FLRT1: variants seen among roughly 807,000 people sequenced by gnomAD.
FLRT1 encodes the protein fibronectin leucine rich transmembrane protein 1.
FLRT1 carries 14 observed loss-of-function variants against 30.9 expected under a neutral mutation model. The observed-to-expected ratio is 0.45, with a 90% CI of 0.30 to 0.71. FLRT1 has a LOEUF of 0.71. Ranked by LOEUF, FLRT1 falls within the 30% of genes least tolerant of loss-of-function variation. The pLI is 0.08. For synonymous variants in FLRT1, 368 were observed against 430.4 expected, an observed-to-expected ratio of 0.85 and a Z score of 1.80; for missense variants, 737 against 949.2, an observed-to-expected ratio of 0.78 and a Z score of 2.94.
rs200990594 is a variant in FLRT1, at chr11:64,117,634, A to G, written c.1367A>G (p.Lys456Arg). The part of the protein sequence containing the change: ...LTADSIRITW[K>R]ATLPASSFRL... ...GCAGACTCCATCCGCATCACGTGGA[A>G]GGCCACGCTCCCCGCCTCCTCTTTC... Residue 456 changes from lysine (K) to arginine (R), a missense_variant, in exon 3 of 3, where the codon AAG becomes AGG. Coordinates refer to ENST00000682287, the MANE Select transcript of FLRT1 (RefSeq NM_013280.5). 6.2e-7 allele frequency: 1 copy of G among 1,613,754 alleles called. No individual in the cohort carries two copies. Among genetic ancestry groups the G allele is most frequent in the Admixed American group, 1.7e-5 (1 of 60,030 alleles).
chr11:64,075,913 A>G (rs1454654281), intron 1 of FLRT1, among the ~76,000 whole-genome samples: 3 of 152,138 alleles, frequency 2.0e-5, no homozygotes, highest in African/African-American at 4.8e-5. Flanking sequence ...ACCTCAAGTG[A>G]TCCACCCGCC....
chr11:64,105,184 G>A (rs1429836007), intron 2 of FLRT1, among the ~76,000 whole-genome samples: 5 of 152,368 alleles, frequency 3.3e-5, no homozygotes, highest in Admixed American at 1.3e-4. Flanking sequence ...CAGCCCGACA[G>A]CGGGGCCGCG....
intron 1 of FLRT1, among the ~76,000 whole-genome samples, chr11:64,091,464 T>C (rs1002304751): frequency 9.5e-5 from 7 of 73,542 alleles, no homozygotes; most frequent in Non-Finnish European, 1.9e-4. Flanking sequence ...GGGAGGTGGA[T>C]GTGGGGGACG....
chr11:64,112,138 T>C (rs1160464274), intron 2 of FLRT1, among the ~76,000 whole-genome samples: 1 of 152,232 alleles, frequency 6.6e-6, no homozygotes, highest in Non-Finnish European at 1.5e-5. Context: ...TTAGTGAGCA[T>C]CTGCCACGTG....
intron 1 of FLRT1, among the ~76,000 whole-genome samples, chr11:64,099,046 G>A (rs1944626528): frequency 6.6e-6 from 1 of 152,258 alleles, no homozygotes; most frequent in African/African-American, 2.4e-5. Flanking sequence ...TCGGGAGGAA[G>A]CCCTGAGTGC....
At position 64,116,522 on chromosome 11, in the gene FLRT1, C is replaced by G. The variant is rs760130318; in HGVS notation, c.255C>G (p.Thr85=). 9.9e-6 allele frequency: 16 copies of G among 1,614,036 alleles called. No individual in the cohort carries two copies. Among genetic ancestry groups the G allele is most frequent in the Non-Finnish European group, 1.4e-5 (16 of 1,179,984 alleles). ...IPADIPDDAT[T]LYLQNNQINN... Reference sequence around the variant, plus strand: ...CAGATATCCCTGATGATGCCACCACCCTCTACCTGCAGAACAACCAGATCA... The same window carrying G: ...CAGATATCCCTGATGATGCCACCACGCTCTACCTGCAGAACAACCAGATCA... The change falls in exon 3 of 3, where the codon ACC becomes ACG. Residue 85 remains threonine, a synonymous_variant. Coordinates refer to ENST00000682287, the MANE Select transcript of FLRT1 (RefSeq NM_013280.5).
In FLRT1 at chr11:64,103,518, C is replaced by CTCT. The variant is rs1944707197; in HGVS notation, c.-712_-710dup. On this transcript the variant is annotated 5_prime_UTR_variant, in exon 2 of 3. Transcript: ENST00000682287. ...TACAGAGCCTTTGGAGAGTGGCTCC[C>CTCT]TCTCAGCTCCGTCATGCAAGAACAC... is the stretch of plus-strand genomic sequence containing the variant. 6.6e-6 allele frequency: 1 copy of CTCT among 151,888 alleles called. No homozygotes were observed. Among genetic ancestry groups the CTCT allele is most frequent in the African/African-American group, 2.4e-5 (1 of 41,282 alleles). 9.4% of individuals were successfully genotyped at this position (151,888 alleles called of 1,614,324 possible). A position where few individuals can be genotyped will look rare whatever the true frequency, so the allele number is the denominator to read the frequency against.
intron 2 of FLRT1, among the ~76,000 whole-genome samples, chr11:64,112,387 A>C (rs968170536): frequency 6.6e-6 from 1 of 151,984 alleles, no homozygotes; most frequent in African/African-American, 2.4e-5. Context: ...GGTGGTGCAC[A>C]CCTGTAGTCC....
At chr11:64,085,809 C>A (rs892338273) in intron 1 of FLRT1, among the ~76,000 whole-genome samples, 2 of 152,136 alleles carry the variant, frequency 1.3e-5, no homozygotes, top group African/African-American at 2.4e-5. Context: ...CTGGGCAAGT[C>A]GGGGAATAAC....
At chr11:64,053,978 C>T (rs535853297) in intron 1 of FLRT1, among the ~76,000 whole-genome samples, 1 of 152,262 alleles carries the variant, frequency 6.6e-6, no homozygotes, top group South Asian at 2.1e-4. Flanking sequence ...CAGCACCGTG[C>T]TGGGCGCTCT....
At chr11:64,077,262 G>A (rs1944219256) in intron 1 of FLRT1, among the ~76,000 whole-genome samples, 1 of 152,210 alleles carries the variant, frequency 6.6e-6, no homozygotes, top group African/African-American at 2.4e-5. Flanking sequence ...TTGCCCAACA[G>A]GTACCCCAGG....
chr11:64,068,775 T>A (rs1182304704), intron 1 of FLRT1, among the ~76,000 whole-genome samples: 1 of 152,226 alleles, frequency 6.6e-6, no homozygotes, highest in Non-Finnish European at 1.5e-5. Context: ...GCTCAGAACC[T>A]GGGAGCACCC....
chr11:64,086,479 G>A (rs1047414034), intron 1 of FLRT1, among the ~76,000 whole-genome samples: 6 of 151,992 alleles, frequency 3.9e-5, no homozygotes, highest in African/African-American at 1.5e-4. Flanking sequence ...CCCTCAGGAG[G>A]AAGTCCAGGC....
chr11:64,055,228 G>A lies in FLRT1; in HGVS notation c.-1038+19069G>A, dbSNP rs931881237. 3.9e-5 allele frequency among the ~76,000 whole-genome samples: 6 copies of A among 152,248 alleles called. No homozygotes were observed. In the South Asian group the frequency reaches 1.2e-3, roughly 31 times the overall value. ...TGCTCCTCTGGGCCGGGAGCAGGGTGAGGGGCAGCCAGTAGCTTTGCCTCG... is the reference window on the plus strand; with the variant it reads ...TGCTCCTCTGGGCCGGGAGCAGGGTAAGGGGCAGCCAGTAGCTTTGCCTCG... On this transcript the variant is annotated intron_variant, in intron 1 of 2. Coordinates refer to ENST00000682287, the MANE Select transcript of FLRT1 (RefSeq NM_013280.5).
chr11:64,116,970 G>A lies in FLRT1; in HGVS notation c.703G>A (p.Ala235Thr), dbSNP rs1412780216. ...CCTGGTGCTGGACGGTAACCTGCTGGCCAACCAGCGCATCGCCGACGACAC... is the reference window on the plus strand; with the variant it reads ...CCTGGTGCTGGACGGTAACCTGCTGACCAACCAGCGCATCGCCGACGACAC... The part of the protein sequence containing the change: ...RRLVLDGNLL[A>T]NQRIADDTFS... Residue 235 changes from alanine to threonine, a missense_variant, in exon 3 of 3, where the codon GCC becomes ACC. Ala to Thr is a moderately conservative substitution (Grantham distance 58, BLOSUM62 0). Transcript: ENST00000682287. The A allele has an allele frequency of 6.2e-7, 1 of 1,611,834 alleles. No homozygotes were observed. The highest frequency in any genetic ancestry group is 8.5e-7 in the Non-Finnish European group (1 of 1,179,984).
chr11:64,036,612 C>T lies in FLRT1; in HGVS notation c.-1038+453C>T, dbSNP rs1291673168. Among the ~76,000 whole-genome samples the T allele has an allele frequency of 6.6e-6, 1 of 152,200 alleles. No individual in the cohort carries two copies. Among genetic ancestry groups the T allele is most frequent in the Non-Finnish European group, 1.5e-5 (1 of 68,022 alleles). ...AGCCGGCCGGCCTGGGCGCCGCGCT[C>T]CCGTCCCCACCAGCCGCGTGAGTCA... On this transcript the variant is annotated intron_variant, in intron 1 of 2. Transcript: ENST00000682287. This position sits in a 1 kb window ranked among gnomAD's most constrained non-coding sequence, Gnocchi z 5.6.
At chr11:64,046,329 A>G (rs575928386) in intron 1 of FLRT1, among the ~76,000 whole-genome samples, 1 of 152,308 alleles carries the variant, frequency 6.6e-6, no homozygotes, top group Non-Finnish European at 1.5e-5. Flanking sequence ...GGTGGGGCAC[A>G]GATGAGGAAA....
At chr11:64,058,953 AG>A (rs1344862674) in intron 1 of FLRT1, among the ~76,000 whole-genome samples, 1 of 152,108 alleles carries the variant, frequency 6.6e-6, no homozygotes, top group East Asian at 1.9e-4. Context: ...CTACCGTGGG[AG>A]GGCTCCATTT....
intron 1 of FLRT1, among the ~76,000 whole-genome samples, chr11:64,045,074 C>T (rs950721825): frequency 6.6e-6 from 1 of 152,208 alleles, no homozygotes; most frequent in Non-Finnish European, 1.5e-5. Context: ...CAGGCCTGTG[C>T]GGGCTGAGGG....
Sources: allele counts gnomAD v4.1 joint callset (sites outside exome capture counted in the v4.1 genomes callset), GRCh38; gene constraint gnomAD v4.1.1; non-coding constraint Gnocchi (gnomAD v3.1); transcripts MANE v1.5; gene names NCBI Gene and HGNC (gene_info 2026-07-23, HGNC 2026-07-21).